Variants in TASP1 observed in about 807,000 individuals in gnomAD.
The protein encoded by TASP1 is taspase 1.
Under a neutral mutation model 56.6 loss-of-function variants are expected in TASP1, and 16 were observed. That is an observed-to-expected ratio of 0.28 (90% CI 0.19 to 0.43). TASP1 has a LOEUF of 0.43. Among genes scored for constraint, TASP1 ranks in the 20% least tolerant of loss-of-function variants. TASP1 has a pLI of 1.00. For missense variants in TASP1, 393 were observed against 511.6 expected (o/e 0.77, Z 2.24); for synonymous variants, 179 against 184.2 (o/e 0.97, Z 0.23).
chr20:13,476,061 G>A (rs1352266509), intron 11 of TASP1, among the ~76,000 whole-genome samples: 1 of 152,198 alleles, frequency 6.6e-6, no homozygotes, highest in Non-Finnish European at 1.5e-5. Context: ...GGAGACTGCA[G>A]TGTGCCGAGA....
the TASP1 span, among the ~76,000 whole-genome samples, chr20:13,325,608 C>T: frequency 9.8e-5 from 15 of 152,296 alleles, no homozygotes; most frequent in South Asian, 2.7e-3. Flanking sequence ...CCCTGTGTTC[C>T]CTTCGGAAGA....
the TASP1 span, among the ~76,000 whole-genome samples, chr20:13,356,325 GCA>G: frequency 2.6e-5 from 4 of 152,316 alleles, no homozygotes; most frequent in African/African-American, 9.6e-5. Flanking sequence ...TTGTTGTAAA[GCA>G]CAGTCTCTTC....
At chr20:13,141,427 CA>C in the TASP1 span, among the ~76,000 whole-genome samples, 4 of 152,338 alleles carry the variant, frequency 2.6e-5, no homozygotes, top group East Asian at 7.7e-4. Context: ...AATCTTCTCA[CA>C]TTTCTCAGTG....
chr20:13,622,169 C>T (rs2048739040), intron 4 of TASP1, among the ~76,000 whole-genome samples: 1 of 152,094 alleles, frequency 6.6e-6, no homozygotes, highest in African/African-American at 2.4e-5. Flanking sequence ...TACTACGTAC[C>T]ACACACTGTT....
chr20:13,369,070 G>C, the TASP1 span, among the ~76,000 whole-genome samples: 1 of 152,200 alleles, frequency 6.6e-6, no homozygotes, highest in East Asian at 1.9e-4. Context: ...TTGTATTTGA[G>C]GTTGAAGTAA....
chr20:13,571,356 A>T (rs1209350531), intron 6 of TASP1, among the ~76,000 whole-genome samples: 1 of 152,224 alleles, frequency 6.6e-6, no homozygotes, highest in Non-Finnish European at 1.5e-5. Context: ...CATGTCAAAA[A>T]AATCACATTT....
the TASP1 span, among the ~76,000 whole-genome samples, chr20:13,134,422 G>C: frequency 1.3e-5 from 2 of 152,120 alleles, no homozygotes; most frequent in Admixed American, 1.3e-4. Context: ...CTGATGTTGG[G>C]GAAAGTTCCC....
intron 13 of TASP1, among the ~76,000 whole-genome samples, chr20:13,408,571 T>A (rs2042001524): frequency 6.6e-6 from 1 of 152,170 alleles, no homozygotes; most frequent in Admixed American, 6.5e-5. Flanking sequence ...GGCATAAGAT[T>A]AATGTTATTT....
At chr20:13,221,997 G>A in the TASP1 span, 32 of 1,192,902 alleles carry the variant, frequency 2.7e-5, no homozygotes, top group Non-Finnish European at 3.3e-5. Context: ...CCGGGTGGAT[G>A]CAGGGAGGCA....
At chr20:13,440,680 T>TA (rs34830955) in intron 11 of TASP1, among the ~76,000 whole-genome samples, 176 of 142,862 alleles carry the variant, frequency 1.2e-3, no homozygotes, top group African/African-American at 2.8e-3. Context: ...ACTGATAAGC[T>TA]AAAAAAAAAA....
chr20:13,145,589 T>C, the TASP1 span, among the ~76,000 whole-genome samples: 1 of 152,182 alleles, frequency 6.6e-6, no homozygotes, highest in Non-Finnish European at 1.5e-5. Context: ...TTCAGTTCTA[T>C]GCCCATCAAA....
Position 13,580,876 on chromosome 20 carries a change from C to G in TASP1, c.488+21G>C, listed in dbSNP as rs760881777. On this transcript the variant is annotated intron_variant, in intron 6 of 13. Transcript: ENST00000337743. ...AAAATGCACTAAAGACAGGGAAAGT[C>G]AGGAAGAACAAAGTGGTTACCAGGG... The G allele has an allele frequency of 3.4e-5, 55 of 1,612,254 alleles. 1 individual carries two copies. The South Asian group carries it at 5.8e-4, about 17-fold the overall frequency.
intron 4 of TASP1, among the ~76,000 whole-genome samples, chr20:13,590,157 A>G (rs538498736): frequency 3.9e-5 from 6 of 152,200 alleles, no homozygotes; most frequent in Middle Eastern, 3.4e-3. Context: ...GCTTGAACCC[A>G]GGAGGCAGAG....
At chr20:13,557,046 G>C (rs1385741578) in intron 8 of TASP1, among the ~76,000 whole-genome samples, 1 of 152,050 alleles carries the variant, frequency 6.6e-6, no homozygotes, top group Non-Finnish European at 1.5e-5. Flanking sequence ...TTCCTGAATG[G>C]AAAACTGAAC....
In TASP1 at chr20:13,409,480, T is replaced by C. The variant is rs138674940; in HGVS notation, c.1170+7968A>G. On this transcript the variant is annotated intron_variant, in intron 13 of 13. Coordinates refer to ENST00000337743, the MANE Select transcript of TASP1 (RefSeq NM_017714.3). ...AATGGACCACATTTTCAATATGAAA[T>C]GTCCTGTTTTATCTCATATCTCCTA... Among the ~76,000 whole-genome samples the C allele has an allele frequency of 3.9e-3, 601 of 152,268 alleles. 4 individuals are homozygous for C. The highest frequency in any genetic ancestry group is 0.01 in the Middle Eastern group (3 of 294).
At chr20:13,512,633 T>G (rs988045034) in intron 10 of TASP1, among the ~76,000 whole-genome samples, 1 of 152,240 alleles carries the variant, frequency 6.6e-6, no homozygotes, top group Non-Finnish European at 1.5e-5. Flanking sequence ...ATTTTGGCTT[T>G]TGTTGCCATT....
At chr20:13,214,724 G>A in the TASP1 span, among the ~76,000 whole-genome samples, 1 of 152,088 alleles carries the variant, frequency 6.6e-6, no homozygotes, top group Admixed American at 6.6e-5. Flanking sequence ...AGGATTCCAC[G>A]GGTACAAAGC....
the TASP1 span, among the ~76,000 whole-genome samples, chr20:13,172,148 T>A: frequency 2.0e-5 from 3 of 152,100 alleles, no homozygotes; most frequent in East Asian, 5.8e-4. Flanking sequence ...AGCATTATAA[T>A]CCCTGAGGCT....
chr20:13,289,933 C>A, the TASP1 span, among the ~76,000 whole-genome samples: 27 of 152,264 alleles, frequency 1.8e-4, no homozygotes, highest in South Asian at 5.4e-3. Flanking sequence ...CCCAGACTTC[C>A]TTTTTCTACC....
Sources: gnomAD v4.1 joint callset for allele counts (sites outside exome capture counted in the v4.1 genomes callset) on GRCh38, gnomAD v4.1.1 for gene constraint, MANE v1.5 for transcripts, NCBI Gene and HGNC (gene_info 2026-07-23, HGNC 2026-07-21) for gene names.